The following EPS8 variants were observed in gnomAD, a reference collection of about 807,000 sequenced individuals.
EPS8 encodes the protein EGFR pathway substrate 8, signaling adaptor.
Under a neutral mutation model 103.8 loss-of-function variants are expected in EPS8, and 42 were observed. That is an observed-to-expected ratio of 0.40 (90% confidence interval 0.32 to 0.52). The LOEUF is 0.52. EPS8 is among the 20% of genes least tolerant of loss of function. The pLI, the probability that EPS8 is intolerant of heterozygous loss-of-function variation, is 0.40. For missense variants in EPS8, 969 were observed against 1,005.1 expected (o/e 0.96, Z 0.49); for synonymous variants, 344 against 344.6 (o/e 1.00, Z 0.02).
intron 2 of EPS8, among the ~76,000 whole-genome samples, 185 bp from the exon 3 acceptor site, chr12:15,681,487 T>C (rs537690641): frequency 1.3e-5 from 2 of 151,864 alleles, no homozygotes; most frequent in African/African-American, 4.8e-5. Flanking sequence ...TCCCAGCACA[T>C]TGGGAGGCCG....
rs1047513237 is a variant in EPS8, at chr12:15,700,333, T to C, written c.-21-17361A>G. Among the ~76,000 whole-genome samples, 2 of 152,180 alleles carry C rather than the reference T, an allele frequency of 1.3e-5. No homozygotes were observed. The highest frequency in any genetic ancestry group is 2.9e-5 in the Non-Finnish European group (2 of 68,004). The stretch of plus-strand genomic sequence containing the variant: ...TGAGGTGTGGCAAACTAGTACAGTC[T>C]TTTGCAAAATAATCCCTGAACTGAA... On this transcript the variant is annotated intron_variant, in intron 1 of 20. Coordinates refer to ENST00000281172, the MANE Select transcript of EPS8 (RefSeq NM_004447.6). This position sits in a 1 kb window ranked among gnomAD's most constrained non-coding sequence, Gnocchi z 5.1.
intron 3 of EPS8, among the ~76,000 whole-genome samples, chr12:15,680,653 CAT>C (rs1491240371): frequency 2.0e-4 from 30 of 149,710 alleles, no homozygotes; most frequent in African/African-American, 7.4e-4. Context: ...CCATCCTAAA[CAT>C]ATGTGGCAAA....
chr12:15,753,274 T>G (rs1048590374), intron 1 of EPS8, among the ~76,000 whole-genome samples: 1 of 152,142 alleles, frequency 6.6e-6, no homozygotes, highest in Non-Finnish European at 1.5e-5. Flanking sequence ...TAAGTAAAAT[T>G]GTAAGAATGC....
In EPS8 at chr12:15,691,666, G is replaced by A. The variant is rs180891344; in HGVS notation, c.-21-8694C>T. Among the ~76,000 whole-genome samples, 396 of 152,274 alleles carry A rather than the reference G, an allele frequency of 2.6e-3. 3 individuals carry two copies. The highest frequency in any genetic ancestry group is 9.2e-3 in the African/African-American group (383 of 41,570). ...TGTCAGCAGTTTGGCAGGAAGTTAT[G>A]AGGGATGAGGTTGGAGATGAAGTGA... is the stretch of plus-strand genomic sequence containing the variant. On this transcript the variant is annotated intron_variant, in intron 1 of 20. Transcript: ENST00000281172.
At position 15,684,474 on chromosome 12, in the gene EPS8, A is replaced by C. The variant is rs73315053; in HGVS notation, c.-21-1502T>G. Reference sequence around the variant, plus strand: ...TTTGATGACTTCTGCTTTTCAAATAAGAAGAAGGGTACCAGGCACAGAATA... The same window carrying C: ...TTTGATGACTTCTGCTTTTCAAATACGAAGAAGGGTACCAGGCACAGAATA... On this transcript the variant is annotated intron_variant, in intron 1 of 20. Transcript: ENST00000281172. This position sits in a 1 kb window ranked among gnomAD's most constrained non-coding sequence, Gnocchi z 4.9. 0.049 allele frequency among the ~76,000 whole-genome samples: 7,510 copies of C among 152,278 alleles called. 591 individuals carry two copies. The highest frequency in any genetic ancestry group is 0.16 in the African/African-American group (6,842 of 41,534).
rs1033965883 is a variant in EPS8, at chr12:15,751,902, G to C, written c.-22+37259C>G. Reference sequence around the variant, plus strand: ...GGAGTTAAATCTGGCATGTGTGTAGGCATGGGCGTGGGGGAGGTGGAGAGC... The same window carrying C: ...GGAGTTAAATCTGGCATGTGTGTAGCCATGGGCGTGGGGGAGGTGGAGAGC... On this transcript the variant is annotated intron_variant, in intron 1 of 20. Coordinates refer to ENST00000281172, the MANE Select transcript of EPS8 (RefSeq NM_004447.6). This position sits in a 1 kb window ranked among gnomAD's most constrained non-coding sequence, Gnocchi z 4.3. Among the ~76,000 whole-genome samples the C allele has an allele frequency of 6.6e-6, 1 of 152,070 alleles. No individual in the cohort carries two copies. The highest frequency in any genetic ancestry group is 1.5e-5 in the Non-Finnish European group (1 of 68,028).
Position 15,772,056 on chromosome 12 carries a change from A to T in EPS8, c.-22+17105T>A, listed in dbSNP as rs1947160644. Among the ~76,000 whole-genome samples, 1 of 152,104 alleles carries T rather than the reference A, an allele frequency of 6.6e-6. No individual in the cohort carries two copies. The highest frequency in any genetic ancestry group is 2.4e-5 in the African/African-American group (1 of 41,432). ...ATATGGGGAACCACTGAAGAGTTTT[A>T]AGCAAGGTAGTTAACATGATTAGCA... On this transcript the variant is annotated intron_variant, in intron 1 of 20. Transcript: ENST00000281172. This position sits in a 1 kb window ranked among gnomAD's most constrained non-coding sequence, Gnocchi z 5.0.
rs1007907979 is a variant in EPS8, at chr12:15,785,540, A to T, written c.-22+3621T>A. The stretch of plus-strand genomic sequence containing the variant: ...TGTAAATTCATAGTTAAACATGGAT[A>T]CAAACTGTTACATAAAAATATGTAC... On this transcript the variant is annotated intron_variant, in intron 1 of 20. Transcript: ENST00000281172. This position sits in a 1 kb window ranked among gnomAD's most constrained non-coding sequence, Gnocchi z 4.9. Among the ~76,000 whole-genome samples, 1 of 152,128 alleles carries T rather than the reference A, an allele frequency of 6.6e-6. No individual in the cohort carries two copies. The highest frequency in any genetic ancestry group is 2.1e-4 in the South Asian group (1 of 4,832).
At position 15,756,826 on chromosome 12, in the gene EPS8, T is replaced by C. The variant is rs9971670; in HGVS notation, c.-22+32335A>G. Reference sequence around the variant, plus strand: ...CAGTCAAACCCCTAAACTACAGGACTAACAGAACGTCTAACATAAGAGTGC... The same window carrying C: ...CAGTCAAACCCCTAAACTACAGGACCAACAGAACGTCTAACATAAGAGTGC... On this transcript the variant is annotated intron_variant, in intron 1 of 20. Coordinates refer to ENST00000281172, the MANE Select transcript of EPS8 (RefSeq NM_004447.6). Among the ~76,000 whole-genome samples the C allele has an allele frequency of 8.8e-3, 1,344 of 152,302 alleles. 19 individuals carry two copies. The highest frequency in any genetic ancestry group is 0.031 in the African/African-American group (1,299 of 41,574).
intron 6 of EPS8, among the ~76,000 whole-genome samples, chr12:15,667,089 T>A (rs1945726517): frequency 6.6e-6 from 1 of 152,190 alleles, no homozygotes; most frequent in Non-Finnish European, 1.5e-5. Flanking sequence ...TTCAGTTAGA[T>A]TTTTCTTGGG....
At chr12:15,665,573 C>T (rs1306355164) in intron 8 of EPS8, 183 bp downstream of exon 8, 42 of 620,556 alleles carry the variant, frequency 6.8e-5, no homozygotes, top group South Asian at 4.3e-4. Flanking sequence ...TCAGGTGATC[C>T]GCCCGCCTCG....
chr12:15,725,633 C>T lies in EPS8; in HGVS notation c.-21-42661G>A, dbSNP rs986874041. Among the ~76,000 whole-genome samples, 2 of 152,132 alleles carry T rather than the reference C, an allele frequency of 1.3e-5. No homozygotes were observed. The highest frequency in any genetic ancestry group is 4.8e-5 in the African/African-American group (2 of 41,424). ...TCTTCATCATATGGTGATTCACTCA[C>T]CACCACAGTATCAACCTTGGACATT... On this transcript the variant is annotated intron_variant, in intron 1 of 20. Coordinates refer to ENST00000281172, the MANE Select transcript of EPS8 (RefSeq NM_004447.6). This position sits in a 1 kb window ranked among gnomAD's most constrained non-coding sequence, Gnocchi z 4.5.
chr12:15,681,356 G>T, intron 2 of EPS8, 54 bp from the exon 3 acceptor site: 1 of 774,686 alleles, frequency 1.3e-6, no homozygotes, highest in South Asian at 4.2e-5. Flanking sequence ...TCATTGTGTT[G>T]GGTTAAAGTC....
intron 2 of EPS8, 70 bp from the exon 3 acceptor site, chr12:15,681,372 T>A: frequency 1.6e-6 from 1 of 610,586 alleles, no homozygotes; most frequent in Non-Finnish European, 2.4e-6. Flanking sequence ...AAGTCCAATA[T>A]AAGTAACAGA....
Position 15,759,820 on chromosome 12 carries a change from T to A in EPS8, c.-22+29341A>T, listed in dbSNP as rs993833747. On this transcript the variant is annotated intron_variant, in intron 1 of 20. Transcript: ENST00000281172. The surrounding 1 kb of genome is among the most constrained non-coding windows in gnomAD (Gnocchi z 4.9). ...AACCTATGTGAAACAGCAAAAGCAG[T>A]ACTAACAGGAAAGTTTATAGCTATA... 1.3e-5 allele frequency among the ~76,000 whole-genome samples: 2 copies of A among 151,874 alleles called. No individual in the cohort carries two copies. Among genetic ancestry groups the A allele is most frequent in the Non-Finnish European group, 2.9e-5 (2 of 67,870 alleles).
intron 17 of EPS8, among the ~76,000 whole-genome samples, chr12:15,632,134 T>C (rs1301348960): frequency 6.6e-6 from 1 of 152,206 alleles, no homozygotes; most frequent in Non-Finnish European, 1.5e-5. Flanking sequence ...TTTAAAATAT[T>C]GGTATTATTT....
chr12:15,726,689 A>C (rs1425058144), intron 1 of EPS8, among the ~76,000 whole-genome samples: 3 of 152,194 alleles, frequency 2.0e-5, no homozygotes, highest in African/African-American at 7.2e-5. Context: ...TTGAAATGAC[A>C]ATCTGTAGCT....
At position 15,751,714 on chromosome 12, in the gene EPS8, T is replaced by C. The variant is rs540839445; in HGVS notation, c.-22+37447A>G. Among the ~76,000 whole-genome samples, 2 of 152,236 alleles carry C rather than the reference T, an allele frequency of 1.3e-5. 1 individual carries two copies. The highest frequency in any genetic ancestry group is 4.8e-5 in the African/African-American group (2 of 41,510). On this transcript the variant is annotated intron_variant, in intron 1 of 20. Coordinates refer to ENST00000281172, the MANE Select transcript of EPS8 (RefSeq NM_004447.6). This position sits in a 1 kb window ranked among gnomAD's most constrained non-coding sequence, Gnocchi z 4.3. The stretch of plus-strand genomic sequence containing the variant: ...CCCTTGTACTTTTATGCTATGTTCA[T>C]GCCATTTCGCTCTCTCCTCCCTCCC...
rs1407333471 is a variant in EPS8, at chr12:15,745,299, C to T, written c.-22+43862G>A. ...GATTTTAGTTTCCTCACCTGAAAAA[C>T]AAAAGAACTAGAGTAGATCAGGATA... On this transcript the variant is annotated intron_variant, in intron 1 of 20. Coordinates refer to ENST00000281172, the MANE Select transcript of EPS8 (RefSeq NM_004447.6). This position sits in a 1 kb window ranked among gnomAD's most constrained non-coding sequence, Gnocchi z 4.6. Among the ~76,000 whole-genome samples, 2 of 152,090 alleles carry T rather than the reference C, an allele frequency of 1.3e-5. No homozygotes were observed. The highest frequency in any genetic ancestry group is 4.8e-5 in the African/African-American group (2 of 41,436).
Sources: gnomAD v4.1 joint callset for allele counts (sites outside exome capture counted in the v4.1 genomes callset) on GRCh38, gnomAD v4.1.1 for gene constraint, Gnocchi (gnomAD v3.1) non-coding constraint, MANE v1.5 for transcripts, NCBI Gene and HGNC (gene_info 2026-07-23, HGNC 2026-07-21) for gene names.